The following PICALM variants were observed in gnomAD, a reference collection of about 807,000 sequenced individuals.
The protein encoded by PICALM is phosphatidylinositol binding clathrin assembly protein.
Under a neutral mutation model 80.5 loss-of-function variants are expected in PICALM, and 40 were observed. That is an observed-to-expected ratio of 0.50 (90% confidence interval 0.39 to 0.65). PICALM has a LOEUF of 0.65. PICALM is among the 30% of genes least tolerant of loss of function. PICALM has a pLI of 0.00. For synonymous variants in PICALM, 288 were observed against 260.3 expected, an observed-to-expected ratio of 1.11 and a Z score of -1.02; for missense variants, 676 against 778.9, an observed-to-expected ratio of 0.87 and a Z score of 1.57.
chr11:85,993,379 C>A (rs1037670314), intron 12 of PICALM, among the ~76,000 whole-genome samples: 2 of 151,930 alleles, frequency 1.3e-5, no homozygotes, highest in African/African-American at 2.4e-5. Flanking sequence ...AGCCACTGCA[C>A]CCAGTCTAAA....
rs114278955 is a variant in PICALM at position 86,059,602 on chromosome 11, C to A, written c.130+9049G>T. On this transcript the variant is annotated intron_variant, in intron 1 of 19. Coordinates refer to ENST00000393346, the MANE Select transcript of PICALM (RefSeq NM_007166.4). ...GTTCGAGACCAGCCTAGGAAAGAGA[C>A]CCCTTTCTCTTTAGCAGGGCATGGT... is the stretch of plus-strand genomic sequence containing the variant. Among the ~76,000 whole-genome samples the A allele has an allele frequency of 6.1e-3, 923 of 152,198 alleles. 7 individuals are homozygous for A. Among genetic ancestry groups the A allele is most frequent in the African/African-American group, 0.021 (877 of 41,528 alleles).
intron 1 of PICALM, among the ~76,000 whole-genome samples, chr11:86,064,520 G>A (rs1234907970): frequency 6.6e-6 from 1 of 151,384 alleles, no homozygotes; most frequent in Non-Finnish European, 1.5e-5. Flanking sequence ...AATTAGCTGT[G>A]CGTGGTAGCA....
At chr11:85,991,362 T>C (rs1592645175) in intron 12 of PICALM, among the ~76,000 whole-genome samples, 1 of 152,208 alleles carries the variant, frequency 6.6e-6, no homozygotes, top group South Asian at 2.1e-4. Flanking sequence ...CACTGAAATA[T>C]ACTGTGGTAT....
Position 85,981,928 on chromosome 11 carries a change from G to C in PICALM, c.1592C>G (p.Pro531Arg). ...GTCATCAGATACTAACTTGCTAGGT[G>C]GGAGTTTGGCAACAGGAAGGTTCTG... The part of the protein sequence containing the change: ...QNQNLPVAKL[P>R]PSKLVSDDLD... The change falls in exon 15 of 20, where the codon CCA (proline) becomes CGA (arginine). Residue 531 changes from proline (P) to arginine (R), a missense_variant. This residue lies in a region of PICALM where 391 missense variants were observed against 383.6 expected (regional missense o/e 1.02). Coordinates refer to ENST00000393346, the MANE Select transcript of PICALM (RefSeq NM_007166.4). The C allele has an allele frequency of 6.2e-7, 1 of 1,613,318 alleles. No individual in the cohort carries two copies. Among genetic ancestry groups the C allele is most frequent in the Non-Finnish European group, 8.5e-7 (1 of 1,179,230 alleles).
chr11:86,002,468 A>G (rs2095170118), intron 9 of PICALM, among the ~76,000 whole-genome samples: 2 of 152,226 alleles, frequency 1.3e-5, no homozygotes, highest in South Asian at 2.1e-4. Flanking sequence ...TACAAAAATC[A>G]TGTTACCAGA....
chr11:85,995,080 A>G (rs1472342209), intron 12 of PICALM, among the ~76,000 whole-genome samples: 3 of 152,136 alleles, frequency 2.0e-5, no homozygotes, highest in African/African-American at 7.2e-5. Context: ...TAAAAAAAAT[A>G]TATCGATCTG....
chr11:85,980,873 G>A (rs1295789593), intron 17 of PICALM, among the ~76,000 whole-genome samples: 1 of 152,122 alleles, frequency 6.6e-6, no homozygotes, highest in Non-Finnish European at 1.5e-5. Context: ...ACATTAATAG[G>A]AGGATTATAA....
intron 12 of PICALM, among the ~76,000 whole-genome samples, chr11:85,993,352 C>G (rs2094853418): frequency 6.6e-6 from 1 of 151,924 alleles, no homozygotes; most frequent in African/African-American, 2.4e-5. Flanking sequence ...TCCCAAACTG[C>G]TGGGATTACA....
In PICALM at chr11:86,004,379, C is replaced by G. The variant is rs140003376; in HGVS notation, c.808-928G>C. Among the ~76,000 whole-genome samples, 1,018 of 152,212 alleles carry G rather than the reference C, an allele frequency of 6.7e-3. 12 individuals carry two copies. The highest frequency in any genetic ancestry group is 0.02 in the African/African-American group (825 of 41,540). On this transcript the variant is annotated intron_variant, in intron 8 of 19. Transcript: ENST00000393346. ...AAAATTATGCTATTAGAAATCAAAA[C>G]AGTGACTGTGGAGGTGGGTAAGAAG...
chr11:86,034,879 A>T (rs1008668161), intron 1 of PICALM, among the ~76,000 whole-genome samples: 2 of 152,222 alleles, frequency 1.3e-5, no homozygotes, highest in African/African-American at 4.8e-5. Flanking sequence ...CTCTTTCAAC[A>T]AACAATGACT....
intron 1 of PICALM, among the ~76,000 whole-genome samples, chr11:86,032,453 T>C (rs1260722760): frequency 6.6e-6 from 1 of 152,126 alleles, no homozygotes; most frequent in East Asian, 1.9e-4. Context: ...TGAAACCCCA[T>C]CTTTACTAAT....
chr11:85,986,200 G>A (rs998641115), intron 13 of PICALM, among the ~76,000 whole-genome samples: 2 of 151,992 alleles, frequency 1.3e-5, no homozygotes, highest in African/African-American at 4.8e-5. Context: ...AAGTCACACA[G>A]TTATCAGGGA....
intron 13 of PICALM, among the ~76,000 whole-genome samples, chr11:85,988,445 A>G (rs1411486461): frequency 6.6e-6 from 1 of 152,218 alleles, no homozygotes; most frequent in African/African-American, 2.4e-5. Context: ...TCCTTCCTGC[A>G]TAAATAAGTT....
intron 7 of PICALM, among the ~76,000 whole-genome samples, chr11:86,008,011 C>T (rs1287021018): frequency 6.6e-6 from 1 of 151,996 alleles, no homozygotes; most frequent in Non-Finnish European, 1.5e-5. Context: ...TGTCTTTCTC[C>T]ATAAAACATG....
intron 13 of PICALM, among the ~76,000 whole-genome samples, chr11:85,989,050 T>C (rs2094679231): frequency 6.6e-6 from 1 of 152,186 alleles, no homozygotes; most frequent in African/African-American, 2.4e-5. Context: ...AAAGCTTCAA[T>C]GAGGACAAGC....
intron 12 of PICALM, among the ~76,000 whole-genome samples, chr11:85,992,277 G>T (rs951105365): frequency 7.6e-6 from 1 of 131,568 alleles, no homozygotes; most frequent in Non-Finnish European, 1.6e-5. Context: ...AGTTCTGGGT[G>T]TGTTTTGTTT....
At chr11:86,008,952 C>CAAAAAAAAAAAAAAAAAA (rs59740555) in intron 7 of PICALM, among the ~76,000 whole-genome samples, 2 of 62,844 alleles carry the variant, frequency 3.2e-5, no homozygotes, top group Non-Finnish European at 3.1e-5. Context: ...AAAAAAAAGC[C>CAAAAAAAAAAAAAAAAAA]AAAAAAAAAA....
At chr11:86,040,248 A>G (rs1457831650) in intron 1 of PICALM, among the ~76,000 whole-genome samples, 4 of 152,192 alleles carry the variant, frequency 2.6e-5, no homozygotes, top group African/African-American at 4.8e-5. Flanking sequence ...AATATCCAAT[A>G]TATACATGAA....
At chr11:86,058,167 A>C (rs2096299497) in intron 1 of PICALM, among the ~76,000 whole-genome samples, 1 of 112,230 alleles carries the variant, frequency 8.9e-6, no homozygotes, top group African/African-American at 3.8e-5. Flanking sequence ...GTGTATTTAA[A>C]ATATGGCACA....
Sources: gnomAD v4.1 joint callset for allele counts (sites outside exome capture counted in the v4.1 genomes callset) on GRCh38, gnomAD v4.1.1 for gene constraint, gnomAD v4.1.1 regional missense constraint, MANE v1.5 for transcripts, NCBI Gene and HGNC (gene_info 2026-07-23, HGNC 2026-07-21) for gene names.